Variants in WDR47 observed in about 807,000 individuals in gnomAD.
WDR47 encodes WD repeat domain 47, also known as WD repeat-containing protein 47.
Under a neutral mutation model 97.2 loss-of-function variants are expected in WDR47, and 32 were observed. That is an observed-to-expected ratio of 0.33 (90% CI 0.25 to 0.44). WDR47 has a LOEUF of 0.44. WDR47 is among the 20% of genes least tolerant of loss of function. The probability of loss-of-function intolerance (pLI) is 1.00; values close to 1 mark genes in which losing one functional copy is unlikely to be tolerated. For synonymous variants in WDR47, 375 were observed against 373.5 expected (o/e 1.00, Z -0.05); for missense variants, 782 against 1,102.3 (o/e 0.71, Z 4.11).
At chr1:109,027,819 G>A (rs1662317481) in intron 1 of WDR47, among the ~76,000 whole-genome samples, 1 of 152,144 alleles carries the variant, frequency 6.6e-6, no homozygotes, top group South Asian at 2.1e-4. Flanking sequence ...ACCATGCCCA[G>A]CTATATACAT....
chr1:109,027,398 T>C (rs1662284089), intron 1 of WDR47, among the ~76,000 whole-genome samples: 1 of 151,996 alleles, frequency 6.6e-6, no homozygotes, highest in South Asian at 2.1e-4. Flanking sequence ...CTGAATACAG[T>C]ATAAATATAG....
chr1:109,035,011 T>C (rs1475231221), intron 1 of WDR47, among the ~76,000 whole-genome samples: 2 of 151,684 alleles, frequency 1.3e-5, no homozygotes, highest in Admixed American at 6.6e-5. Flanking sequence ...ACCCCAGCAC[T>C]TGGGAGGCTG....
At chr1:109,037,400 AG>A (rs1663034651) in intron 1 of WDR47, among the ~76,000 whole-genome samples, 1 of 151,740 alleles carries the variant, frequency 6.6e-6, no homozygotes, top group Non-Finnish European at 1.5e-5. Context: ...GCACTTTGGG[AG>A]GCCGAGGTGG....
intron 7 of WDR47, among the ~76,000 whole-genome samples, chr1:108,998,884 TA>T (rs1163565380): frequency 6.6e-6 from 1 of 152,200 alleles, no homozygotes; most frequent in Non-Finnish European, 1.5e-5. Flanking sequence ...TTACATATCT[TA>T]AAGCCCTAGT....
chr1:109,026,197 C>G (rs1334223143), intron 1 of WDR47, among the ~76,000 whole-genome samples: 2 of 152,018 alleles, frequency 1.3e-5, no homozygotes, highest in Non-Finnish European at 2.9e-5. Flanking sequence ...CAGGTGTGTG[C>G]CACCGTACCC....
chr1:109,013,861 C>A lies in WDR47; in HGVS notation c.307G>T (p.Ala103Ser). The A allele has an allele frequency of 6.2e-7, 1 of 1,613,678 alleles. No individual in the cohort carries two copies. The highest frequency in any genetic ancestry group is 1.3e-5 in the African/African-American group (1 of 75,046). The change falls in exon 4 of 15, where the codon GCA becomes TCA. Residue 103 changes from alanine to serine, a missense_variant. By Grantham distance (99) the Ala-to-Ser change is moderately conservative (BLOSUM62 1). Transcript: ENST00000369962. ...EALCVNNAMSAEDEPQHLEFT... is the reference protein window; with the variant it reads ...EALCVNNAMSSEDEPQHLEFT... ...CTTACATGCTGGGGCTCATCTTCTGCTGACATCGCGTTGTTAACACATAAA... is the reference window on the plus strand; with the variant it reads ...CTTACATGCTGGGGCTCATCTTCTGATGACATCGCGTTGTTAACACATAAA...
rs144561723 is a variant in WDR47, at chr1:108,999,743, G to A, written c.1433+2481C>T. On this transcript the variant is annotated intron_variant, in intron 7 of 14. Transcript: ENST00000369962. ...CTATAAAGGAAAGATGAACCTTCCCGAATAGTTTAGCTTTTTTTCTGAGGA... is the reference window on the plus strand; with the variant it reads ...CTATAAAGGAAAGATGAACCTTCCCAAATAGTTTAGCTTTTTTTCTGAGGA... Among the ~76,000 whole-genome samples the A allele has an allele frequency of 8.3e-3, 1,252 of 151,744 alleles. 8 individuals are homozygous for A. Among genetic ancestry groups the A allele is most frequent in the African/African-American group, 0.029 (1,192 of 41,358 alleles).
Position 108,972,664 on chromosome 1 carries a change from G to A in WDR47, c.2618-1092C>T, listed in dbSNP as rs144034519. 1.7e-3 allele frequency among the ~76,000 whole-genome samples: 260 copies of A among 152,198 alleles called. 3 individuals are homozygous for A. Among genetic ancestry groups the A allele is most frequent in the Admixed American group, 0.01 (157 of 15,264 alleles). ...CCCTTAAAAAAAATGTCTATAGGCCGGGCGCGGTGGCTCACGCCTGTAATC... is the reference window on the plus strand; with the variant it reads ...CCCTTAAAAAAAATGTCTATAGGCCAGGCGCGGTGGCTCACGCCTGTAATC... On this transcript the variant is annotated intron_variant, in intron 14 of 14. Coordinates refer to ENST00000369962, the MANE Select transcript of WDR47 (RefSeq NM_001142551.2).
In WDR47 at chr1:109,026,825, A is replaced by T. The variant is rs577448115; in HGVS notation, c.-9-3304T>A. Among the ~76,000 whole-genome samples the T allele has an allele frequency of 3.9e-5, 6 of 152,304 alleles. No individual in the cohort carries two copies. The East Asian group carries it at 1.2e-3, about 29-fold the overall frequency. ...ATTTATGGCAATAGTCCCACTTTAAATAATAACTACAAGTTTAATGTTGCA... is the reference window on the plus strand; with the variant it reads ...ATTTATGGCAATAGTCCCACTTTAATTAATAACTACAAGTTTAATGTTGCA... On this transcript the variant is annotated intron_variant, in intron 1 of 14. Coordinates refer to ENST00000369962, the MANE Select transcript of WDR47 (RefSeq NM_001142551.2).
At chr1:108,971,903 G>A (rs959680000) in intron 14 of WDR47, among the ~76,000 whole-genome samples, 15 of 152,058 alleles carry the variant, frequency 9.9e-5, no homozygotes, top group African/African-American at 3.6e-4. Flanking sequence ...AATCCCAGGA[G>A]TCAACCCTCA....
chr1:109,005,087 C>A (rs1193931858), intron 5 of WDR47, among the ~76,000 whole-genome samples: 1 of 152,070 alleles, frequency 6.6e-6, no homozygotes, highest in African/African-American at 2.4e-5. Context: ...CCACCACGCT[C>A]AGCCAAGAAA....
chr1:108,993,859 C>T (rs552762914), intron 8 of WDR47, among the ~76,000 whole-genome samples: 2 of 152,196 alleles, frequency 1.3e-5, no homozygotes, highest in African/African-American at 4.8e-5. Context: ...CACATGAACA[C>T]CAACTTGAGG....
At chr1:109,030,100 C>G (rs1662515691) in intron 1 of WDR47, 1 of 980,158 alleles carries the variant, frequency 1.0e-6, no homozygotes, top group Non-Finnish European at 1.5e-6. Flanking sequence ...CATCCCTCCC[C>G]AGAAGAAGAG....
At chr1:109,035,616 G>C (rs1476212381) in intron 1 of WDR47, among the ~76,000 whole-genome samples, 1 of 151,194 alleles carries the variant, frequency 6.6e-6, no homozygotes, top group Non-Finnish European at 1.5e-5. Context: ...TCCTGCCTTG[G>C]CCTCCCGAGT....
rs371694220 is a variant in WDR47, at chr1:108,995,723, A to G, written c.1548T>C (p.Ser516=). Residue 516 remains serine (S), a synonymous_variant, in exon 8 of 15, where the codon TCT becomes TCC. Transcript: ENST00000369962. ...GGGGTGGTGTAGTAAAACTAGTCAC[A>G]GAAGAACCATTAGATCCATTGCCTT... is the stretch of plus-strand genomic sequence containing the variant. ...GSKGNGSNGS[S]VTSFTTPPQD... 44 of 1,614,056 alleles carry G rather than the reference A, an allele frequency of 2.7e-5. No homozygotes were observed. The highest frequency in any genetic ancestry group is 3.4e-5 in the Non-Finnish European group (40 of 1,180,032).
intron 1 of WDR47, among the ~76,000 whole-genome samples, chr1:109,040,634 G>C (rs1276119023): frequency 2.6e-5 from 4 of 151,930 alleles, no homozygotes; most frequent in Non-Finnish European, 5.9e-5. Flanking sequence ...GTGTAATAAT[G>C]TTTCTTTCCT....
chr1:109,037,431 G>C (rs2102061695), intron 1 of WDR47, among the ~76,000 whole-genome samples: 1 of 151,740 alleles, frequency 6.6e-6, no homozygotes, highest in East Asian at 1.9e-4. Context: ...GAGGTCAGGA[G>C]ATCGAGACCA....
intron 1 of WDR47, among the ~76,000 whole-genome samples, chr1:109,027,609 C>T (rs529666112): frequency 3.3e-5 from 5 of 152,030 alleles, no homozygotes; most frequent in East Asian, 1.9e-4. Flanking sequence ...CTGCAACCTC[C>T]GCCTCCCGGG....
chr1:109,037,507 T>C (rs1396981694), intron 1 of WDR47, among the ~76,000 whole-genome samples: 1 of 149,052 alleles, frequency 6.7e-6, no homozygotes, highest in Non-Finnish European at 1.5e-5. Flanking sequence ...GCGCCTGTAA[T>C]CCCAGCTACT....
Sources: allele counts gnomAD v4.1 joint callset (sites outside exome capture counted in the v4.1 genomes callset), GRCh38; gene constraint gnomAD v4.1.1; transcripts MANE v1.5; gene names NCBI Gene and HGNC (gene_info 2026-07-23, HGNC 2026-07-21).